Variants in INSL6 observed in about 807,000 individuals in gnomAD.
INSL6 encodes insulin-like peptide INSL6.
Under a neutral mutation model 9.4 loss-of-function variants are expected in INSL6, and 16 were observed. That is an observed-to-expected ratio of 1.70 (90% CI 1.15 to 2.59). The LOEUF (loss-of-function observed/expected upper bound fraction) is 2.59, where lower values mean the gene tolerates loss of function less well. Ranked by LOEUF, INSL6 falls within the 30% of genes most tolerant of loss-of-function variation. The pLI, the probability that INSL6 is intolerant of heterozygous loss-of-function variation, is 0.00. For synonymous variants in INSL6, 154 were observed against 96.9 expected (o/e 1.59, Z -3.46); for missense variants, 391 against 257.3 (o/e 1.52, Z -3.56).
At chr9:5,101,848 A>G in the INSL6 span, among the ~76,000 whole-genome samples, 2 of 152,246 alleles carry the variant, frequency 1.3e-5, no homozygotes, top group African/African-American at 4.8e-5. Flanking sequence ...AGAAAGGAAT[A>G]GCATCAACAT....
chr9:5,112,187 T>G, the INSL6 span: 1 of 261,894 alleles, frequency 3.8e-6, no homozygotes, highest in Admixed American at 4.9e-5. Flanking sequence ...GCGCTGGCCT[T>G]GGGCTTCGCC....
the INSL6 span, among the ~76,000 whole-genome samples, chr9:5,074,548 AT>A: frequency 6.6e-6 from 1 of 152,340 alleles, no homozygotes; most frequent in African/African-American, 2.4e-5. Context: ...AACAGAGAGA[AT>A]ATAAGAAGGC....
the INSL6 span, chr9:5,069,949 G>C: frequency 2.5e-6 from 4 of 1,603,872 alleles, no homozygotes; most frequent in Non-Finnish European, 3.4e-6. Flanking sequence ...CTAGTCTTCA[G>C]AACGAATGGT....
At chr9:5,080,088 T>C in the INSL6 span, 1 of 590,820 alleles carries the variant, frequency 1.7e-6, no homozygotes, top group Admixed American at 3.0e-5. Flanking sequence ...TGCAGTCATG[T>C]GCATGTGCAC....
chr9:5,166,217 T>C (rs898740598), intron 1 of INSL6, among the ~76,000 whole-genome samples: 2 of 152,184 alleles, frequency 1.3e-5, no homozygotes, highest in Non-Finnish European at 2.9e-5. Context: ...GTTTTTGTTT[T>C]TGTTTTGTTT....
chr9:5,140,176 T>C (rs1824469607), intron 2 of INSL6, among the ~76,000 whole-genome samples: 1 of 152,126 alleles, frequency 6.6e-6, no homozygotes, highest in African/African-American at 2.4e-5. Context: ...CTGGGAAATA[T>C]TAACCTAGAA....
chr9:5,001,864 C>T, the INSL6 span, among the ~76,000 whole-genome samples: 1 of 151,946 alleles, frequency 6.6e-6, no homozygotes, highest in South Asian at 2.1e-4. Context: ...AGATATGATA[C>T]TATTCAAGGT....
chr9:5,053,066 C>T, the INSL6 span, among the ~76,000 whole-genome samples: 6 of 152,004 alleles, frequency 3.9e-5, no homozygotes, highest in Admixed American at 3.9e-4. Context: ...TGAGGAACTG[C>T]TTAACTTTTC....
At chr9:5,065,277 A>G in the INSL6 span, among the ~76,000 whole-genome samples, 19 of 152,328 alleles carry the variant, frequency 1.2e-4, no homozygotes, top group East Asian at 1.9e-4. Flanking sequence ...TTTGTTAATC[A>G]TGCCTATGTG....
At chr9:5,130,189 C>T (rs951678194) in intron 3 of INSL6, among the ~76,000 whole-genome samples, 7 of 152,066 alleles carry the variant, frequency 4.6e-5, no homozygotes, top group African/African-American at 1.7e-4. Context: ...TAAAACGAGA[C>T]CTTTAAAGGA....
At chr9:5,042,803 G>C in the INSL6 span, among the ~76,000 whole-genome samples, 3 of 152,220 alleles carry the variant, frequency 2.0e-5, no homozygotes, top group Non-Finnish European at 4.4e-5. Context: ...GGGAACGGAG[G>C]GGTGGGGCCG....
chr9:5,090,864 C>G, the INSL6 span: 1 of 1,612,584 alleles, frequency 6.2e-7, no homozygotes, highest in Middle Eastern at 1.7e-4. Context: ...TGCCACAAGA[C>G]AAAGAATACT....
intron 3 of INSL6, among the ~76,000 whole-genome samples, chr9:5,129,400 T>C (rs1408279346): frequency 6.6e-6 from 1 of 152,130 alleles, no homozygotes; most frequent in Non-Finnish European, 1.5e-5. Flanking sequence ...TTCCTACAAC[T>C]GCTGTCAACC....
chr9:5,177,979 G>A (rs905292115), intron 1 of INSL6, among the ~76,000 whole-genome samples: 17 of 152,152 alleles, frequency 1.1e-4, no homozygotes, highest in African/African-American at 3.1e-4. Flanking sequence ...AGGTTCAAGC[G>A]ATTCTCCCGC....
chr9:4,992,127 C>A, the INSL6 span, among the ~76,000 whole-genome samples: 1 of 152,132 alleles, frequency 6.6e-6, no homozygotes, highest in South Asian at 2.1e-4. Flanking sequence ...GACTTGAAGG[C>A]AAAGGACTGG....
the INSL6 span, among the ~76,000 whole-genome samples, chr9:5,104,807 C>G: frequency 6.6e-6 from 1 of 152,142 alleles, no homozygotes; most frequent in African/African-American, 2.4e-5. Flanking sequence ...ATGACAAAAA[C>G]CACATGATTA....
chr9:5,041,068 AG>A, the INSL6 span: 2 of 691,812 alleles, frequency 2.9e-6, no homozygotes, highest in Non-Finnish European at 5.2e-6. Context: ...GGCGTCCCTC[AG>A]GTCTACTACC....
At chr9:5,070,781 T>G in the INSL6 span, among the ~76,000 whole-genome samples, 1 of 151,790 alleles carries the variant, frequency 6.6e-6, no homozygotes, top group Admixed American at 6.6e-5. Context: ...GGGTCAACTG[T>G]AGTACATAAG....
the INSL6 span, among the ~76,000 whole-genome samples, chr9:5,019,993 C>T: frequency 6.6e-6 from 1 of 152,178 alleles, no homozygotes; most frequent in South Asian, 2.1e-4. Flanking sequence ...GTTAGTGGGT[C>T]CAGGCAGTCC....
Sources: gnomAD v4.1 joint callset for allele counts (sites outside exome capture counted in the v4.1 genomes callset) on GRCh38, gnomAD v4.1.1 for gene constraint, MANE v1.5 for transcripts, NCBI Gene and HGNC (gene_info 2026-07-23, HGNC 2026-07-21) for gene names.